The following COL25A1 variants were observed in gnomAD, a reference collection of about 807,000 sequenced individuals.
COL25A1 encodes collagen type XXV alpha 1 chain.
In COL25A1, 103 loss-of-function variants were observed where a neutral mutation model predicts 128.4. The observed-to-expected ratio is 0.80, with a 90% CI of 0.68 to 0.94. The LOEUF is 0.94. Ranked by LOEUF, COL25A1 falls within the 40% of genes least tolerant of loss-of-function variation. COL25A1 has a pLI of 0.00. For missense variants in COL25A1, 745 were observed against 840.0 expected (o/e 0.89, Z 1.40); for synonymous variants, 279 against 277.2 (o/e 1.01, Z -0.06).
intron 3 of COL25A1, among the ~76,000 whole-genome samples, chr4:109,153,883 C>A (rs942969938): frequency 6.6e-6 from 1 of 152,164 alleles, no homozygotes; most frequent in Admixed American, 6.5e-5. Flanking sequence ...CGCCCCTTTT[C>A]AGATGAGGAA....
At chr4:109,083,448 A>AAATTTTTTT (rs377354398) in intron 3 of COL25A1, among the ~76,000 whole-genome samples, 5 of 77,010 alleles carry the variant, frequency 6.5e-5, no homozygotes, top group East Asian at 3.5e-4. Flanking sequence ...CACTAAATAA[A>AAATTTTTTT]TTTTTTTTTT....
At chr4:109,291,260 G>A (rs149405780) in intron 3 of COL25A1, among the ~76,000 whole-genome samples, 1 of 152,210 alleles carries the variant, frequency 6.6e-6, no homozygotes, top group East Asian at 1.9e-4. Flanking sequence ...ATTACAGTAC[G>A]ATTGCAGCCA....
At chr4:108,884,259 TTCAC>T (rs1283853992) in intron 18 of COL25A1, 37 bp from the exon 19 acceptor site, 1 of 1,571,892 alleles carries the variant, frequency 6.4e-7, no homozygotes, top group Non-Finnish European at 8.8e-7. Context: ...TAGAATGATA[TTCAC>T]TCAGTCACAA....
chr4:109,117,737 G>A (rs1381459501), intron 3 of COL25A1, among the ~76,000 whole-genome samples: 1 of 151,900 alleles, frequency 6.6e-6, no homozygotes, highest in Non-Finnish European at 1.5e-5. Context: ...AGAAATGACA[G>A]CAATGATACA....
chr4:109,302,025 C>A lies in COL25A1; in HGVS notation c.-6G>T, dbSNP rs540028136. The A allele has an allele frequency of 7.0e-6, 11 of 1,573,548 alleles. No homozygotes were observed. Among genetic ancestry groups the A allele is most frequent in the Non-Finnish European group, 8.6e-6 (10 of 1,164,012 alleles). ...GCGTGCTTCTTCAGCAGCATCGTGG[C>A]GGGGTCGGCCGTCTCGGCTTCGCTT... On this transcript the variant is annotated 5_prime_UTR_variant, in exon 2 of 38. Coordinates refer to ENST00000399132, the MANE Select transcript of COL25A1 (RefSeq NM_198721.4).
chr4:108,984,298 C>G (rs1005210163), intron 6 of COL25A1, among the ~76,000 whole-genome samples: 1 of 152,224 alleles, frequency 6.6e-6, no homozygotes, highest in Non-Finnish European at 1.5e-5. Context: ...CTCCACCTAC[C>G]CACCAGACTC....
chr4:109,082,487 C>T (rs1362634520), intron 3 of COL25A1, among the ~76,000 whole-genome samples: 1 of 152,158 alleles, frequency 6.6e-6, no homozygotes, highest in South Asian at 2.1e-4. Flanking sequence ...TTACAGCCGT[C>T]CTCATGCATG....
At chr4:109,048,282 T>C (rs540425358) in intron 4 of COL25A1, 107 bp from the exon 5 acceptor site, 3 of 1,085,742 alleles carry the variant, frequency 2.8e-6, no homozygotes, top group Admixed American at 2.0e-5. Context: ...CATGACATAA[T>C]AGACATGGAA....
Position 108,812,404 on chromosome 4 carries a change from CCATGTACGTTACATTCAT to C in COL25A1, c.*1505_*1522del, listed in dbSNP as rs1560686034. On this transcript the variant is annotated 3_prime_UTR_variant, in exon 38 of 38. Transcript: ENST00000399132. ...TTGGCTTTATATTAACTGATAATCTCCATGTACGTTACATTCATCATGTAAAAAAAGTCAAAACTACTT... is the reference window on the plus strand; with the variant it reads ...TTGGCTTTATATTAACTGATAATCTCCATGTAAAAAAAGTCAAAACTACTT... The C allele has an allele frequency of 6.6e-6, 1 of 152,104 alleles. No individual in the cohort carries two copies. The highest frequency in any genetic ancestry group is 1.5e-5 in the Non-Finnish European group (1 of 68,012). The allele number at this position is 152,104 out of a possible 1,614,324, so 9.4% of individuals were successfully genotyped here.
At chr4:109,295,751 T>C (rs1008224228) in intron 3 of COL25A1, among the ~76,000 whole-genome samples, 2 of 152,082 alleles carry the variant, frequency 1.3e-5, no homozygotes, top group African/African-American at 2.4e-5. Flanking sequence ...AATGAGAACA[T>C]AGGCAACGAG....
chr4:109,071,393 A>T, intron 3 of COL25A1, among the ~76,000 whole-genome samples: 1 of 152,156 alleles, frequency 6.6e-6, no homozygotes, highest in Non-Finnish European at 1.5e-5. Context: ...ATGGGCAAGG[A>T]CTTCATGTCT....
chr4:109,132,283 C>T (rs1769287023), intron 3 of COL25A1, among the ~76,000 whole-genome samples: 1 of 152,044 alleles, frequency 6.6e-6, no homozygotes, highest in Non-Finnish European at 1.5e-5. Context: ...TTTGTTTTTA[C>T]TTTCTTTTGT....
intron 6 of COL25A1, among the ~76,000 whole-genome samples, chr4:108,992,836 T>G (rs989158611): frequency 6.6e-6 from 1 of 151,862 alleles, no homozygotes; most frequent in African/African-American, 2.4e-5. Context: ...TTGTTTTGTT[T>G]TTTTTTTGTT....
rs61293166 is a variant in COL25A1 at position 109,301,056 on chromosome 4, T to G, written c.298-404A>C. On this transcript the variant is annotated intron_variant, in intron 2 of 37. Transcript: ENST00000399132. ...ATGCTAGGCTGCAACTACTGCCAAA[T>G]AGGCTCCCGGCTAGGGTAAGGTTCC... is the stretch of plus-strand genomic sequence containing the variant. Among the ~76,000 whole-genome samples the G allele has an allele frequency of 4.5e-3, 690 of 152,248 alleles. 5 individuals carry two copies. Among genetic ancestry groups the G allele is most frequent in the African/African-American group, 0.016 (651 of 41,552 alleles).
rs201136804 is a variant in COL25A1, at chr4:109,254,507, GTA to G, written c.367+46074_367+46075del. ...TATATATATATATATATATATATAT[GTA>G]TGTGTGTATATACATATACATATAT... On this transcript the variant is annotated intron_variant, in intron 3 of 37. Transcript: ENST00000399132. Among the ~76,000 whole-genome samples the G allele has an allele frequency of 1.2e-3, 63 of 51,136 alleles. 1 individual carries two copies. Among genetic ancestry groups the G allele is most frequent in the African/African-American group, 3.0e-3 (44 of 14,462 alleles). 33.5% of individuals were successfully genotyped at this position (51,136 alleles called of 152,430 possible).
chr4:109,144,483 A>T (rs1196985598), intron 3 of COL25A1, among the ~76,000 whole-genome samples: 1 of 152,206 alleles, frequency 6.6e-6, no homozygotes, highest in Non-Finnish European at 1.5e-5. Context: ...AAGTCTGCTG[A>T]AGTTGCGCCC....
chr4:109,226,252 C>T (rs888226847), intron 3 of COL25A1, among the ~76,000 whole-genome samples: 1 of 151,930 alleles, frequency 6.6e-6, no homozygotes, highest in African/African-American at 2.4e-5. Flanking sequence ...GGGGGTGAGA[C>T]ATGAGAAATC....
chr4:109,000,319 AGAT>A (rs1194105491), intron 6 of COL25A1, among the ~76,000 whole-genome samples: 3 of 152,226 alleles, frequency 2.0e-5, no homozygotes, highest in African/African-American at 4.8e-5. Context: ...TCTGCTGTAC[AGAT>A]GAGGAAAATG....
chr4:109,246,578 A>T (rs918496698), intron 3 of COL25A1, among the ~76,000 whole-genome samples: 2 of 152,160 alleles, frequency 1.3e-5, no homozygotes, highest in East Asian at 3.8e-4. Context: ...CTATAAATTT[A>T]AAAAAATCTG....
Sources: gnomAD v4.1 joint callset for allele counts (sites outside exome capture counted in the v4.1 genomes callset) on GRCh38, gnomAD v4.1.1 for gene constraint, MANE v1.5 for transcripts, NCBI Gene and HGNC (gene_info 2026-07-23, HGNC 2026-07-21) for gene names.